Variants in TSHZ2 observed in about 807,000 individuals in gnomAD.
The protein encoded by TSHZ2 is teashirt homolog 2.
TSHZ2 carries 21 observed loss-of-function variants against 74.4 expected under a neutral mutation model. That is an observed-to-expected ratio of 0.28 (90% CI 0.20 to 0.41). TSHZ2 has a LOEUF of 0.41. Among genes scored for constraint, TSHZ2 ranks in the 10% least tolerant of loss-of-function variants. The probability of loss-of-function intolerance (pLI) is 1.00; values close to 1 mark genes in which losing one functional copy is unlikely to be tolerated. For missense variants in TSHZ2, 1,244 were observed against 1,293.5 expected, an observed-to-expected ratio of 0.96 and a Z score of 0.59; for synonymous variants, 540 against 515.3, an observed-to-expected ratio of 1.05 and a Z score of -0.65.
At chr20:53,480,075 T>G (rs972921751) in intron 2 of TSHZ2, among the ~76,000 whole-genome samples, 19 of 151,012 alleles carry the variant, frequency 1.3e-4, no homozygotes, top group Admixed American at 2.0e-4. Context: ...TTTTGTTTTT[T>G]TTTTTTTTTT....
intron 1 of TSHZ2, among the ~76,000 whole-genome samples, chr20:53,045,690 A>T (rs142804609): frequency 2.4e-3 from 367 of 152,262 alleles, no homozygotes; most frequent in African/African-American, 8.3e-3. Flanking sequence ...GAATCTGGGA[A>T]CCACCCTTAT....
chr20:53,417,249 C>G (rs1023447063), intron 2 of TSHZ2, among the ~76,000 whole-genome samples: 4 of 149,554 alleles, frequency 2.7e-5, no homozygotes, highest in African/African-American at 7.5e-5. Flanking sequence ...CAGACACACA[C>G]ACACACACAC....
At chr20:53,348,742 C>A (rs1420214201) in intron 2 of TSHZ2, among the ~76,000 whole-genome samples, 1 of 152,200 alleles carries the variant, frequency 6.6e-6, no homozygotes, top group Non-Finnish European at 1.5e-5. Context: ...TCAAGCTCTA[C>A]TTCTTCTTCC....
chr20:53,444,106 C>A (rs1040166274), intron 2 of TSHZ2, among the ~76,000 whole-genome samples: 3 of 152,094 alleles, frequency 2.0e-5, no homozygotes, highest in South Asian at 4.2e-4. Flanking sequence ...GAGAAGTCAC[C>A]CTATGTTTGA....
At chr20:53,168,228 T>C (rs574382919) in intron 1 of TSHZ2, among the ~76,000 whole-genome samples, 1 of 152,352 alleles carries the variant, frequency 6.6e-6, no homozygotes, top group East Asian at 1.9e-4. Context: ...GGCTGTCCTG[T>C]ATATCGTCGG....
In TSHZ2 at chr20:53,495,215, C is replaced by A. The variant is rs1005255337; in HGVS notation, c.*8080C>A. ...ATTTATATGATAAAAATATATTTAG[C>A]TTTTCAAAGCACAAGACTGAATAGA... On this transcript the variant is annotated 3_prime_UTR_variant, in exon 3 of 3. Transcript: ENST00000371497. The A allele has an allele frequency of 6.6e-6, 1 of 152,258 alleles. No homozygotes were observed. The highest frequency in any genetic ancestry group is 1.9e-4 in the East Asian group (1 of 5,188). 9.4% of individuals were successfully genotyped at this position (152,258 alleles called of 1,614,324 possible). A position where few individuals can be genotyped will look rare whatever the true frequency, so the allele number is the denominator to read the frequency against.
intron 2 of TSHZ2, among the ~76,000 whole-genome samples, chr20:53,482,116 A>T: frequency 1.0e-5 from 1 of 98,056 alleles, no homozygotes; most frequent in Non-Finnish European, 2.1e-5. Context: ...CATAAAAAAA[A>T]AAAAAAAAAA....
chr20:53,435,972 C>T (rs930499363), intron 2 of TSHZ2, among the ~76,000 whole-genome samples: 5 of 152,220 alleles, frequency 3.3e-5, no homozygotes, highest in African/African-American at 1.2e-4. Context: ...AGGACTGAGA[C>T]AATGCAAGAA....
chr20:53,104,849 C>T lies in TSHZ2; in HGVS notation c.40+131516C>T, dbSNP rs191393582. On this transcript the variant is annotated intron_variant, in intron 1 of 2. Transcript: ENST00000371497. Reference sequence around the variant, plus strand: ...AATATGCAAGGCATCGAAGCAATTACCGTTGCCCCATCCTATTCATGTTTC... The same window carrying T: ...AATATGCAAGGCATCGAAGCAATTATCGTTGCCCCATCCTATTCATGTTTC... 2.1e-3 allele frequency among the ~76,000 whole-genome samples: 325 copies of T among 152,306 alleles called. 2 individuals are homozygous for T. The highest frequency in any genetic ancestry group is 7.5e-3 in the African/African-American group (313 of 41,570).
intron 2 of TSHZ2, among the ~76,000 whole-genome samples, chr20:53,308,759 A>G (rs1978652858): frequency 6.6e-6 from 1 of 152,166 alleles, no homozygotes; most frequent in Non-Finnish European, 1.5e-5. Context: ...TTGGTGTTCG[A>G]CATTACTGTT....
intron 1 of TSHZ2, among the ~76,000 whole-genome samples, chr20:52,980,934 T>G (rs1264424716): frequency 6.6e-6 from 1 of 152,226 alleles, no homozygotes; most frequent in African/African-American, 2.4e-5. Flanking sequence ...TAGGAGCCTC[T>G]CTTTTATACC....
At chr20:53,165,438 G>T (rs1051036168) in intron 1 of TSHZ2, among the ~76,000 whole-genome samples, 3 of 152,178 alleles carry the variant, frequency 2.0e-5, no homozygotes, top group Non-Finnish European at 4.4e-5. Flanking sequence ...TTTACACCTT[G>T]TCACATTGTC....
At chr20:53,131,616 C>T (rs1311337506) in intron 1 of TSHZ2, among the ~76,000 whole-genome samples, 1 of 152,178 alleles carries the variant, frequency 6.6e-6, no homozygotes, top group African/African-American at 2.4e-5. Context: ...GTTCTTGCTC[C>T]TGTCTTTCTG....
Position 53,489,121 on chromosome 20 carries a change from T to C in TSHZ2, c.*1986T>C, listed in dbSNP as rs1195738781. 2 of 456,112 alleles carry C rather than the reference T, an allele frequency of 4.4e-6. No homozygotes were observed. Among genetic ancestry groups the C allele is most frequent in the Admixed American group, 4.7e-5 (2 of 42,556 alleles). 28.3% of individuals were successfully genotyped at this position (456,112 alleles called of 1,614,324 possible). A position where few individuals can be genotyped will look rare whatever the true frequency, so the allele number is the denominator to read the frequency against. On this transcript the variant is annotated 3_prime_UTR_variant, in exon 3 of 3. Transcript: ENST00000371497. ...TCAATCAATCACCCACAAGGAAAAATAGCAACAGTACAACGGGGTGGCTTT... is the reference window on the plus strand; with the variant it reads ...TCAATCAATCACCCACAAGGAAAAACAGCAACAGTACAACGGGGTGGCTTT...
At chr20:53,298,051 G>A (rs561642954) in intron 2 of TSHZ2, among the ~76,000 whole-genome samples, 8 of 152,168 alleles carry the variant, frequency 5.3e-5, no homozygotes, top group East Asian at 1.9e-4. Context: ...AACTTCTTTC[G>A]GTCACCTACC....
At chr20:53,204,140 TATCATCATATGATGATATGATAC>T (rs1272424223) in intron 1 of TSHZ2, among the ~76,000 whole-genome samples, 6 of 141,658 alleles carry the variant, frequency 4.2e-5, no homozygotes, top group East Asian at 2.1e-4. Flanking sequence ...TGATATACTA[TATCATCATATGATGATATGATAC>T]TATATCATCA....
chr20:53,226,434 GTA>G lies in TSHZ2; in HGVS notation c.41-27063_41-27062del, dbSNP rs765681992. Among the ~76,000 whole-genome samples, 180 of 134,566 alleles carry G rather than the reference GTA, an allele frequency of 1.3e-3. 1 individual carries two copies. The highest frequency in any genetic ancestry group is 1.9e-3 in the East Asian group (6 of 3,238). 88.3% of individuals were successfully genotyped at this position (134,566 alleles called of 152,430 possible). A position where few individuals can be genotyped will look rare whatever the true frequency, so the allele number is the denominator to read the frequency against. ...TCATGAAGTGTGTGGGTCGGTGTGT[GTA>G]TGTGTGTGTGTGTGTGTATGTGTAA... On this transcript the variant is annotated intron_variant, in intron 1 of 2. Transcript: ENST00000371497.
At chr20:53,422,409 C>G (rs990094576) in intron 2 of TSHZ2, among the ~76,000 whole-genome samples, 1 of 152,118 alleles carries the variant, frequency 6.6e-6, no homozygotes, top group Non-Finnish European at 1.5e-5. Context: ...TTATCAGATC[C>G]ATGTGGTTTT....
chr20:53,372,404 G>A (rs977029807), intron 2 of TSHZ2, among the ~76,000 whole-genome samples: 7 of 152,100 alleles, frequency 4.6e-5, no homozygotes, highest in Non-Finnish European at 1.5e-5. Context: ...CTGAACCCAA[G>A]AAGCAGAGGT....
Sources: allele counts gnomAD v4.1 joint callset (sites outside exome capture counted in the v4.1 genomes callset), GRCh38; gene constraint gnomAD v4.1.1; transcripts MANE v1.5; gene names NCBI Gene and HGNC (gene_info 2026-07-23, HGNC 2026-07-21).